The following TRAPPC9 variants were observed in gnomAD, a reference collection of about 807,000 sequenced individuals.
TRAPPC9 encodes the protein trafficking protein particle complex subunit 9, also known as IKK2 binding protein.
In TRAPPC9, 83 loss-of-function variants were observed where a neutral mutation model predicts 124.0. That is an observed-to-expected ratio of 0.67 (90% CI 0.56 to 0.80). TRAPPC9 has a LOEUF of 0.80. Among genes scored for constraint, TRAPPC9 ranks in the 30% least tolerant of loss-of-function variants. The pLI is 0.00. For missense variants in TRAPPC9, 1,302 were observed against 1,508.3 expected, an observed-to-expected ratio of 0.86 and a Z score of 2.27; for synonymous variants, 638 against 617.5, an observed-to-expected ratio of 1.03 and a Z score of -0.49.
At chr8:139,992,599 AG>A (rs1837715138) in intron 18 of TRAPPC9, among the ~76,000 whole-genome samples, 1 of 151,148 alleles carries the variant, frequency 6.6e-6, no homozygotes, top group South Asian at 2.1e-4. Flanking sequence ...AAATCCCAAA[AG>A]GGTTTTGTTA....
At chr8:139,736,046 G>A (rs1267784000) in intron 21 of TRAPPC9, among the ~76,000 whole-genome samples, 1 of 152,182 alleles carries the variant, frequency 6.6e-6, no homozygotes, top group African/African-American at 2.4e-5. Flanking sequence ...TTTGACAACT[G>A]GTGCCCCCTC....
intron 17 of TRAPPC9, among the ~76,000 whole-genome samples, chr8:140,221,094 G>A (rs1045940533): frequency 3.9e-5 from 6 of 152,228 alleles, no homozygotes; most frequent in African/African-American, 1.4e-4. Context: ...CAATTGGGAA[G>A]GGTTGCCAAA....
intron 18 of TRAPPC9, among the ~76,000 whole-genome samples, chr8:140,018,444 T>C (rs1839624359): frequency 6.6e-6 from 1 of 151,256 alleles, no homozygotes; most frequent in Admixed American, 6.6e-5. Flanking sequence ...CTGCCTCAGC[T>C]TCCCAAGTGG....
chr8:140,129,961 C>T (rs368746500), intron 17 of TRAPPC9, among the ~76,000 whole-genome samples: 7 of 152,168 alleles, frequency 4.6e-5, no homozygotes, highest in African/African-American at 1.4e-4. Flanking sequence ...ACTGTGGCTT[C>T]GGAGGAATCA....
intron 8 of TRAPPC9, among the ~76,000 whole-genome samples, chr8:140,368,041 T>C (rs1438778388): frequency 6.6e-6 from 1 of 152,198 alleles, no homozygotes; most frequent in Non-Finnish European, 1.5e-5. Context: ...GTGTATGACC[T>C]CTCCAGGTCT....
intron 21 of TRAPPC9, among the ~76,000 whole-genome samples, chr8:139,755,593 G>T (rs1261830608): frequency 7.5e-6 from 1 of 132,462 alleles, no homozygotes; most frequent in Non-Finnish European, 1.6e-5. Flanking sequence ...AGGACAGCAG[G>T]TCGCAGGAGG....
At chr8:140,331,863 G>C (rs1563951528) in intron 9 of TRAPPC9, among the ~76,000 whole-genome samples, 1 of 152,146 alleles carries the variant, frequency 6.6e-6, no homozygotes, top group Non-Finnish European at 1.5e-5. Context: ...GGAACTCTTA[G>C]GTGCTGTTGA....
chr8:140,399,377 C>A (rs909471917), intron 6 of TRAPPC9, among the ~76,000 whole-genome samples: 17 of 152,218 alleles, frequency 1.1e-4, no homozygotes, highest in African/African-American at 3.4e-4. Flanking sequence ...CACAGACACT[C>A]AATGCCAGCC....
intron 17 of TRAPPC9, among the ~76,000 whole-genome samples, chr8:140,159,651 A>G (rs570449653): frequency 1.3e-5 from 2 of 152,362 alleles, no homozygotes; most frequent in African/African-American, 2.4e-5. Context: ...CTGCAAATCC[A>G]AAGAAAATCG....
intron 18 of TRAPPC9, among the ~76,000 whole-genome samples, chr8:139,996,185 A>G (rs1837978452): frequency 7.4e-6 from 1 of 134,682 alleles, no homozygotes; most frequent in Non-Finnish European, 1.6e-5. Flanking sequence ...AAAAAAAAGA[A>G]AGGAAAGAAA....
chr8:140,142,642 CT>C (rs1287671556), intron 17 of TRAPPC9, among the ~76,000 whole-genome samples: 2 of 152,254 alleles, frequency 1.3e-5, no homozygotes. Flanking sequence ...ATTTCCCCCA[CT>C]TTTACACTCC....
intron 19 of TRAPPC9, among the ~76,000 whole-genome samples, chr8:139,965,369 G>A (rs1050050597): frequency 1.4e-4 from 22 of 152,206 alleles, no homozygotes; most frequent in African/African-American, 4.6e-4. Flanking sequence ...TGACACCCTG[G>A]GGTGCTGCAG....
chr8:140,245,704 C>T (rs1323492290), intron 16 of TRAPPC9, among the ~76,000 whole-genome samples: 1 of 152,128 alleles, frequency 6.6e-6, no homozygotes, highest in Non-Finnish European at 1.5e-5. Context: ...ACTGTGTCCC[C>T]GTGGTGTAGT....
At position 140,085,306 on chromosome 8, in the gene TRAPPC9, A is replaced by G. The variant is rs533447166; in HGVS notation, c.2557-61227T>C. ...ATTTTACACTTTGGGTTCCTGCTGCATAAGTATGTTTGCAGAAAGAATCTT... is the reference window on the plus strand; with the variant it reads ...ATTTTACACTTTGGGTTCCTGCTGCGTAAGTATGTTTGCAGAAAGAATCTT... On this transcript the variant is annotated intron_variant, in intron 17 of 22. Transcript: ENST00000438773. 2.7e-5 allele frequency among the ~76,000 whole-genome samples: 4 copies of G among 150,486 alleles called. No individual in the cohort carries two copies. In the East Asian group the frequency reaches 7.8e-4, roughly 29 times the overall value.
chr8:140,319,633 A>G (rs1224019593), intron 9 of TRAPPC9, among the ~76,000 whole-genome samples: 1 of 151,710 alleles, frequency 6.6e-6, no homozygotes, highest in Non-Finnish European at 1.5e-5. Flanking sequence ...CACCCAGCTA[A>G]TTTTTCATAT....
chr8:139,836,978 G>GTCTT (rs3036940), intron 21 of TRAPPC9, among the ~76,000 whole-genome samples: 1 of 151,664 alleles, frequency 6.6e-6, no homozygotes, highest in African/African-American at 2.4e-5. Context: ...AGGAGGACTT[G>GTCTT]GGGCCTAGCG....
chr8:139,862,895 G>A (rs551460435), intron 21 of TRAPPC9, among the ~76,000 whole-genome samples: 12 of 152,312 alleles, frequency 7.9e-5, no homozygotes, highest in African/African-American at 1.9e-4. Flanking sequence ...TGTGTGCTCC[G>A]TGTGGCGCCA....
At chr8:139,881,163 C>G (rs1829654623) in intron 21 of TRAPPC9, 1 of 152,216 alleles carries the variant, frequency 6.6e-6, no homozygotes, top group Non-Finnish European at 1.5e-5. Flanking sequence ...CGAGGTTCCT[C>G]TGGTGGCCTC....
rs193038293 is a variant in TRAPPC9, at chr8:140,221,418, C to T, written c.2556+41G>A. The T allele has an allele frequency of 2.1e-4, 344 of 1,612,576 alleles. 2 individuals carry two copies. In the East Asian group the frequency reaches 5.2e-3, roughly 24 times the overall value. On this transcript the variant is annotated intron_variant, in intron 17 of 22. Coordinates refer to ENST00000438773, the MANE Select transcript of TRAPPC9 (RefSeq NM_001160372.4). The stretch of plus-strand genomic sequence containing the variant: ...CTTCAGAAACGGCTTTGCAGAAGCC[C>T]GAACGGCACGTGGCAGATGCCGTCT...
Sources: allele counts gnomAD v4.1 joint callset (sites outside exome capture counted in the v4.1 genomes callset), GRCh38; gene constraint gnomAD v4.1.1; transcripts MANE v1.5; gene names NCBI Gene and HGNC (gene_info 2026-07-23, HGNC 2026-07-21).